FABP7: variants seen among roughly 807,000 people sequenced by gnomAD.
FABP7 encodes the protein fatty acid binding protein 7, also known as fatty acid-binding protein, brain.
Under a neutral mutation model 14.2 loss-of-function variants are expected in FABP7, and 13 were observed. The ratio of observed to expected loss-of-function variants is 0.91; its 90% CI spans 0.59 to 1.45. The LOEUF is 1.45. FABP7 is among the 40% of genes most tolerant of loss of function. The pLI, the probability that FABP7 is intolerant of heterozygous loss-of-function variation, is 0.00. For synonymous variants in FABP7, 49 were observed against 51.4 expected (o/e 0.95, Z 0.20); for missense variants, 149 against 157.6 (o/e 0.95, Z 0.29).
chr6:122,782,004 G>A (rs1266489291), intron 3 of FABP7: 7 of 938,122 alleles, frequency 7.5e-6, no homozygotes, highest in South Asian at 4.9e-5. Flanking sequence ...CTGCTGCCTC[G>A]GCCTCCCAGA....
chr6:122,755,768 T>A, the FABP7 span, among the ~76,000 whole-genome samples: 2 of 152,134 alleles, frequency 1.3e-5, no homozygotes, highest in South Asian at 4.2e-4. Flanking sequence ...CCTCCCAGTA[T>A]GTTTCTTGAA....
chr6:122,766,963 T>A, the FABP7 span, among the ~76,000 whole-genome samples: 326 of 152,186 alleles, frequency 2.1e-3, 5 homozygotes, highest in African/African-American at 7.6e-3. Flanking sequence ...TATTTCTATA[T>A]AACAGTAACA....
chr6:122,782,243 C>A, intron 3 of FABP7: 1 of 941,114 alleles, frequency 1.1e-6, no homozygotes, highest in Non-Finnish European at 1.3e-6. Context: ...AACAAAGTAC[C>A]ACAAACTTGG....
upstream of FABP7, among the ~76,000 whole-genome samples, chr6:122,775,929 C>T (rs998387850): frequency 1.3e-5 from 2 of 152,078 alleles, no homozygotes; most frequent in African/African-American, 2.4e-5. Flanking sequence ...GAATGGACAA[C>T]AGGCATATGA....
At chr6:122,750,864 GA>G in the FABP7 span, among the ~76,000 whole-genome samples, 1 of 152,202 alleles carries the variant, frequency 6.6e-6, no homozygotes, top group African/African-American at 2.4e-5. Flanking sequence ...AGACTACGCT[GA>G]AAAGTTCGGA....
chr6:122,775,179 C>T (rs1276755409), upstream of FABP7, among the ~76,000 whole-genome samples: 1 of 151,980 alleles, frequency 6.6e-6, no homozygotes, highest in Non-Finnish European at 1.5e-5. Flanking sequence ...TTACAAAAGA[C>T]TCCAAATAGC....
Position 122,780,387 on chromosome 6 carries a change from C to T in FABP7, c.170C>T (p.Thr57Ile). Residue 57 changes from threonine to isoleucine, a missense_variant, in exon 2 of 4, where the codon ACA becomes ATA. Transcript: ENST00000368444. ...GDKVVIRTLS[T>I]FKNTEISFQL... The stretch of plus-strand genomic sequence containing the variant: ...AAAGTGGTCATCAGGACTCTCAGCA[C>T]ATTCAAGAACACGGAGATTAGTTTC... 1 of 1,614,056 alleles carries T rather than the reference C, an allele frequency of 6.2e-7. No homozygotes were observed. Among genetic ancestry groups the T allele is most frequent in the Non-Finnish European group, 8.5e-7 (1 of 1,180,004 alleles).
the FABP7 span, among the ~76,000 whole-genome samples, chr6:122,769,593 A>G: frequency 6.6e-6 from 1 of 152,114 alleles, no homozygotes; most frequent in Admixed American, 6.6e-5. Flanking sequence ...CTTACACAGA[A>G]TCTCTCATAT....
At position 122,779,790 on chromosome 6, in the gene FABP7, C is replaced by A; in HGVS notation, c.-5C>A. The A allele has an allele frequency of 6.2e-7, 1 of 1,614,032 alleles. No homozygotes were observed. Among genetic ancestry groups the A allele is most frequent in the East Asian group, 2.2e-5 (1 of 44,872 alleles). On this transcript the variant is annotated 5_prime_UTR_variant, in exon 1 of 4. Transcript: ENST00000368444. The stretch of plus-strand genomic sequence containing the variant: ...TCCTGTCTCTAAAGAGGGGAAAGGG[C>A]AAGGATGGTGGAGGCTTTCTGTGCT...
intron 3 of FABP7, chr6:122,781,470 CTG>C (rs1246170937): frequency 5.1e-6 from 7 of 1,382,058 alleles, no homozygotes; most frequent in Non-Finnish European, 6.5e-6. Context: ...TTGCCTAAAA[CTG>C]TGTCAAAAGA....
At chr6:122,771,508 T>C in the FABP7 span, among the ~76,000 whole-genome samples, 1 of 152,262 alleles carries the variant, frequency 6.6e-6, no homozygotes, top group East Asian at 1.9e-4. Context: ...CAAGTGATAA[T>C]AACCCATAGT....
the FABP7 span, among the ~76,000 whole-genome samples, chr6:122,749,378 C>T: frequency 1.7e-4 from 26 of 152,238 alleles, no homozygotes; most frequent in East Asian, 4.4e-3. Context: ...TTTTATGATG[C>T]TGCCTACATT....
At chr6:122,753,779 A>AACCC in the FABP7 span, among the ~76,000 whole-genome samples, 1 of 78,572 alleles carries the variant, frequency 1.3e-5, no homozygotes, top group Non-Finnish European at 2.8e-5. Flanking sequence ...TTGGGTCCAA[A>AACCC]TCCCGCCCCC....
the FABP7 span, among the ~76,000 whole-genome samples, chr6:122,756,477 A>G: frequency 6.6e-6 from 1 of 152,192 alleles, no homozygotes; most frequent in African/African-American, 2.4e-5. Context: ...TCACCAACAT[A>G]TATGCATCTG....
chr6:122,776,807 C>T (rs1320898332), upstream of FABP7, among the ~76,000 whole-genome samples: 4 of 152,084 alleles, frequency 2.6e-5, no homozygotes, highest in South Asian at 8.3e-4. Context: ...ATTATGTATC[C>T]ATACATGATT....
At chr6:122,776,057 G>A (rs890818811), upstream of FABP7, among the ~76,000 whole-genome samples, 5 of 151,986 alleles carry the variant, frequency 3.3e-5, no homozygotes, top group African/African-American at 9.7e-5. Context: ...TGATAAAGGG[G>A]CAATGCTTAT....
At chr6:122,773,831 T>A in the FABP7 span, among the ~76,000 whole-genome samples, 1 of 152,176 alleles carries the variant, frequency 6.6e-6, no homozygotes, top group Non-Finnish European at 1.5e-5. Context: ...ATGTGAAGAT[T>A]CTGCCAGGAT....
At chr6:122,755,429 A>T in the FABP7 span, among the ~76,000 whole-genome samples, 2 of 151,040 alleles carry the variant, frequency 1.3e-5, no homozygotes, top group East Asian at 3.9e-4. Context: ...TGAGAATTCA[A>T]CATTTTCTAC....
the FABP7 span, among the ~76,000 whole-genome samples, chr6:122,770,026 A>T: frequency 6.6e-6 from 1 of 152,092 alleles, no homozygotes; most frequent in Non-Finnish European, 1.5e-5. Context: ...AACCATATTG[A>T]TAGCTTCTTC....
Sources: allele counts gnomAD v4.1 joint callset (sites outside exome capture counted in the v4.1 genomes callset), GRCh38; gene constraint gnomAD v4.1.1; transcripts MANE v1.5; gene names NCBI Gene and HGNC (gene_info 2026-07-23, HGNC 2026-07-21).